ATP2C1: variants seen among roughly 807,000 people sequenced by gnomAD.
ATP2C1 encodes calcium-transporting ATPase type 2C member 1.
ATP2C1 carries 31 observed loss-of-function variants against 120.5 expected under a neutral mutation model. That is an observed-to-expected ratio of 0.26 (90% confidence interval 0.19 to 0.35). The LOEUF (loss-of-function observed/expected upper bound fraction) is 0.35, where lower values mean the gene tolerates loss of function less well. Among genes scored for constraint, ATP2C1 ranks in the 10% least tolerant of loss-of-function variants. ATP2C1 has a pLI of 1.00. For synonymous variants in ATP2C1, 351 were observed against 358.7 expected (o/e 0.98, Z 0.24); for missense variants, 731 against 1,107.5 (o/e 0.66, Z 4.83).
chr3:130,861,223 C>T (rs938786880), intron 1 of ATP2C1, among the ~76,000 whole-genome samples: 2 of 152,102 alleles, frequency 1.3e-5, no homozygotes. Flanking sequence ...GAGCCGAGAT[C>T]ACGCCACTGC....
intron 9 of ATP2C1, among the ~76,000 whole-genome samples, chr3:130,954,311 C>T (rs1441336988): frequency 6.6e-6 from 1 of 152,182 alleles, no homozygotes; most frequent in Non-Finnish European, 1.5e-5. Context: ...ATGTTGTTCA[C>T]CTGTTGATCG....
At chr3:130,917,727 A>G (rs1029263645) in intron 2 of ATP2C1, among the ~76,000 whole-genome samples, 4 of 152,208 alleles carry the variant, frequency 2.6e-5, no homozygotes, top group African/African-American at 7.2e-5. Context: ...CTATAGGTAC[A>G]ATGTTGTACA....
At position 130,932,085 on chromosome 3, in the gene ATP2C1, A is replaced by C. The variant is rs76522938; in HGVS notation, c.181A>C (p.Asn61His). 6.2e-7 allele frequency: 1 copy of C among 1,611,898 alleles called. No homozygotes were observed. The highest frequency in any genetic ancestry group is 1.1e-5 in the South Asian group (1 of 91,042). The stretch of plus-strand genomic sequence containing the variant: ...TCATAGGCGAGCCTTTCATGGCTGG[A>C]ATGAGTTTGATATTAGTGAAGATGA... ...VSHRRAFHGW[N>H]EFDISEDEPL... Residue 61 changes from asparagine (N) to histidine (H), a missense_variant, in exon 4 of 28, where the codon AAT (asparagine) becomes CAT (histidine). Asn to His is a moderately conservative substitution (Grantham distance 68). Transcript: ENST00000510168.
chr3:130,874,527 T>C (rs902509484), intron 1 of ATP2C1, among the ~76,000 whole-genome samples: 5 of 152,234 alleles, frequency 3.3e-5, no homozygotes, highest in African/African-American at 4.8e-5. Flanking sequence ...CCTATTAATC[T>C]AAACTAAATT....
At chr3:131,013,843 A>G in intron 26 of ATP2C1, 1 of 464,194 alleles carries the variant, frequency 2.2e-6, no homozygotes, top group Non-Finnish European at 3.8e-6. Context: ...AAGTATAAAC[A>G]TGGTTTCAAA....
chr3:130,934,735 T>A (rs762347998), intron 5 of ATP2C1, 24 bp downstream of exon 5: 1 of 1,460,354 alleles, frequency 6.8e-7, no homozygotes, highest in Non-Finnish European at 9.6e-7. Flanking sequence ...TACATATTTT[T>A]AATCTGTTGA....
intron 1 of ATP2C1, among the ~76,000 whole-genome samples, chr3:130,886,590 A>C (rs1176987367): frequency 6.6e-6 from 1 of 152,004 alleles, no homozygotes; most frequent in Non-Finnish European, 1.5e-5. Flanking sequence ...CTACATGTTC[A>C]CTATTTATTT....
intron 12 of ATP2C1, among the ~76,000 whole-genome samples, chr3:130,961,708 G>C (rs1468913925): frequency 6.6e-6 from 1 of 151,994 alleles, no homozygotes; most frequent in African/African-American, 2.4e-5. Flanking sequence ...AGGTTTGTTT[G>C]TTACAGCTTT....
intron 1 of ATP2C1, among the ~76,000 whole-genome samples, chr3:130,874,746 G>A (rs1352548405): frequency 6.6e-6 from 1 of 152,110 alleles, no homozygotes; most frequent in Non-Finnish European, 1.5e-5. Context: ...TCAGGGGAAG[G>A]GTAGAAGGAG....
chr3:131,005,617 T>C (rs542424010), downstream of ATP2C1, among the ~76,000 whole-genome samples: 1 of 152,336 alleles, frequency 6.6e-6, no homozygotes, highest in Non-Finnish European at 1.5e-5. Context: ...ACGGATGTGT[T>C]AATCAAAGCT....
At chr3:130,850,879 C>T in exon 1 of ATP2C1, 1 of 1,430,478 alleles carries the variant, frequency 7.0e-7, no homozygotes, top group Non-Finnish European at 9.1e-7. Context: ...CCTCTCCATG[C>T]AATTAGGAGA....
chr3:130,908,480 A>C (rs545219122), intron 2 of ATP2C1, among the ~76,000 whole-genome samples: 6 of 151,990 alleles, frequency 3.9e-5, no homozygotes, highest in Non-Finnish European at 8.8e-5. Context: ...AAAAAAAAAA[A>C]ACACCAGAAA....
At chr3:130,996,855 T>C (rs2062644955) in intron 24 of ATP2C1, 59 bp downstream of exon 24, 1 of 1,190,370 alleles carries the variant, frequency 8.4e-7, no homozygotes, top group African/African-American at 1.5e-5. Flanking sequence ...ACCCTGATAA[T>C]TAAGTTTTAA....
intron 2 of ATP2C1, among the ~76,000 whole-genome samples, chr3:130,919,912 G>A (rs1008877092): frequency 3.9e-5 from 6 of 152,100 alleles, no homozygotes; most frequent in Admixed American, 1.3e-4. Context: ...GTAATATTGT[G>A]TTGTGGTTTT....
upstream of ATP2C1, among the ~76,000 whole-genome samples, chr3:130,893,452 T>C (rs1359399863): frequency 6.6e-6 from 1 of 152,150 alleles, no homozygotes; most frequent in East Asian, 1.9e-4. Context: ...CGCCCCGCGA[T>C]TACCGGCTCC....
chr3:130,975,276 A>G lies in ATP2C1; in HGVS notation c.1414-56A>G, dbSNP rs550658746. ...GAATGCCACTTAATTTTGGACTCCA[A>G]TGGCAGGTAAGTACAAGTTGAAATT... is the stretch of plus-strand genomic sequence containing the variant. On this transcript the variant is annotated intron_variant, in intron 17 of 27. Transcript: ENST00000510168. The G allele has an allele frequency of 3.3e-5, 52 of 1,568,000 alleles. No homozygotes were observed. The Admixed American group carries it at 5.2e-4, about 16-fold the overall frequency.
Position 131,016,456 on chromosome 3 carries a change from TG to T in ATP2C1, c.*268del, listed in dbSNP as rs1343249809. 1.1e-5 allele frequency: 13 copies of T among 1,157,682 alleles called. No individual in the cohort carries two copies. The East Asian group carries it at 1.5e-4, about 14-fold the overall frequency. The allele number at this position is 1,157,682 out of a possible 1,614,324, so 71.7% of individuals were successfully genotyped here. A position where few individuals can be genotyped will look rare whatever the true frequency, so the allele number is the denominator to read the frequency against. On this transcript the variant is annotated 3_prime_UTR_variant, in exon 27 of 27. Transcript: ENST00000328560. ...AGAAATTAATTTAAAAAAACTAAGA[TG>T]TTTTTCTCTTCTGGCTTCATAAATG...
chr3:130,927,884 T>C (rs1325346654), intron 2 of ATP2C1: 2 of 154,440 alleles, frequency 1.3e-5, no homozygotes, highest in Non-Finnish European at 2.9e-5. Flanking sequence ...TGACAGACTC[T>C]TGTCACTGTT....
chr3:130,893,097 G>A (rs1007178723), upstream of ATP2C1, among the ~76,000 whole-genome samples: 1 of 152,136 alleles, frequency 6.6e-6, no homozygotes, highest in African/African-American at 2.4e-5. Context: ...GGGTGTGAGA[G>A]GACTTCTGTT....
Sources: gnomAD v4.1 joint callset for allele counts (sites outside exome capture counted in the v4.1 genomes callset) on GRCh38, gnomAD v4.1.1 for gene constraint, MANE v1.5 for transcripts, NCBI Gene and HGNC (gene_info 2026-07-23, HGNC 2026-07-21) for gene names.